EPHA8: variants seen among roughly 807,000 people sequenced by gnomAD.
EPHA8 encodes ephrin type-A receptor 8.
Under a neutral mutation model 103.6 loss-of-function variants are expected in EPHA8, and 58 were observed. The observed-to-expected ratio is 0.56, with a 90% confidence interval of 0.45 to 0.70. EPHA8 has a LOEUF of 0.70. Among genes scored for constraint, EPHA8 ranks in the 30% least tolerant of loss-of-function variants. The probability of loss-of-function intolerance (pLI) is 0.00; values close to 1 mark genes in which losing one functional copy is unlikely to be tolerated. For missense variants in EPHA8, 1,304 were observed against 1,395.2 expected (o/e 0.93, Z 1.04); for synonymous variants, 559 against 572.5 (o/e 0.98, Z 0.34).
intron 8 of EPHA8, 140 bp downstream of exon 8, chr1:22,595,463 T>G: frequency 1.6e-6 from 1 of 624,122 alleles, no homozygotes; most frequent in Non-Finnish European, 2.9e-6. Context: ...TTTAACCTAG[T>G]GACATGCCAG....
Position 22,582,590 on chromosome 1 carries a change from A to T in EPHA8, c.824-3890A>T, listed in dbSNP as rs589578. Among the ~76,000 whole-genome samples, 1,400 of 152,292 alleles carry T rather than the reference A, an allele frequency of 9.2e-3. 20 individuals are homozygous for T. The highest frequency in any genetic ancestry group is 0.032 in the African/African-American group (1,332 of 41,556). On this transcript the variant is annotated intron_variant, in intron 3 of 16. Transcript: ENST00000166244. ...GTCCAGTTTACCACTGGGGAATTGG[A>T]GGCCCAGAGAAGTGAAGTGACTAGC...
rs768600015 is a variant in EPHA8 at position 22,576,500 on chromosome 1, T to C, written c.443T>C (p.Ile148Thr). The C allele has an allele frequency of 2.5e-6, 4 of 1,614,124 alleles. No homozygotes were observed. The highest frequency in any genetic ancestry group is 3.3e-4 in the Middle Eastern group (2 of 6,062). ...QESQFLKIDT[I>T]AADESFTGAD... ...AGCCAGTTCCTCAAAATCGACACCA[T>C]TGCGGCCGACGAGAGCTTCACAGGT... The change falls in exon 3 of 17, where the codon ATT becomes ACT. Residue 148 changes from isoleucine (I) to threonine (T), a missense_variant. Physicochemically the swap from Ile to Thr is moderately conservative, Grantham distance 89. Transcript: ENST00000166244. This position sits in a 1 kb window ranked among gnomAD's most constrained non-coding sequence, Gnocchi z 4.8.
intron 1 of EPHA8, among the ~76,000 whole-genome samples, chr1:22,564,733 C>A (rs1220294781): frequency 6.6e-6 from 1 of 152,132 alleles, no homozygotes; most frequent in Non-Finnish European, 1.5e-5. Flanking sequence ...ACTCCCCACA[C>A]CCCAACCCCT....
intron 3 of EPHA8, among the ~76,000 whole-genome samples, chr1:22,582,412 T>C (rs1362774227): frequency 1.3e-5 from 2 of 152,068 alleles, no homozygotes; most frequent in Non-Finnish European, 2.9e-5. Flanking sequence ...AGAGGTACCC[T>C]CAGAAGGTGG....
chr1:22,598,290 C>T lies in EPHA8; in HGVS notation c.2178+78C>T, dbSNP rs11586741. 204,620 of 1,422,774 alleles carry T rather than the reference C, an allele frequency of 0.14. 16,748 individuals are homozygous for T. The highest frequency in any genetic ancestry group is 0.17 in the Non-Finnish European group (173,215 of 1,028,850). The allele number at this position is 1,422,774 out of a possible 1,614,324, so 88.1% of individuals were successfully genotyped here. On this transcript the variant is annotated intron_variant, in intron 12 of 16. Transcript: ENST00000166244. This position sits in a 1 kb window ranked among gnomAD's most constrained non-coding sequence, Gnocchi z 5.1. Reference sequence around the variant, plus strand: ...TGGGTGCTGGGAGATAGTGCAAAGCCCTCTAAGCCCCCTCCCTGGCTTGGA... The same window carrying T: ...TGGGTGCTGGGAGATAGTGCAAAGCTCTCTAAGCCCCCTCCCTGGCTTGGA...
chr1:22,576,202 T>C lies in EPHA8; in HGVS notation c.160-15T>C. The stretch of plus-strand genomic sequence containing the variant: ...GCTGGCTCTGCTGTAGTGGCTGTGT[T>C]CTCTCTGCCCACAGTGGGACTCCAT... On this transcript the variant is annotated splice_polypyrimidine_tract_variant and intron_variant, in intron 2 of 16. Coordinates refer to ENST00000166244, the MANE Select transcript of EPHA8 (RefSeq NM_020526.5). The surrounding 1 kb of genome is among the most constrained non-coding windows in gnomAD (Gnocchi z 4.8). The C allele has an allele frequency of 6.3e-7, 1 of 1,593,548 alleles. No individual in the cohort carries two copies. The highest frequency in any genetic ancestry group is 1.1e-5 in the South Asian group (1 of 88,078).
Position 22,597,406 on chromosome 1 carries a change from C to T in EPHA8, c.1860C>T (p.Gly620=), listed in dbSNP as rs1444516065. ...YAEPHTYEEP[G]RAGRSFTREI... is the part of the protein sequence containing the mutation. ...AACCCCACACCTACGAGGAGCCAGG[C>T]CGGGCGGGCCGCAGTTTCACTCGGG... Residue 620 remains glycine (G), a synonymous_variant, in exon 10 of 17, where the codon GGC becomes GGT. Transcript: ENST00000166244. This position sits in a 1 kb window ranked among gnomAD's most constrained non-coding sequence, Gnocchi z 4.6. 1 of 1,613,520 alleles carries T rather than the reference C, an allele frequency of 6.2e-7. No homozygotes were observed. Among genetic ancestry groups the T allele is most frequent in the East Asian group, 2.2e-5 (1 of 44,872 alleles).
chr1:22,565,834 C>T (rs951595339), intron 1 of EPHA8, among the ~76,000 whole-genome samples: 8 of 152,274 alleles, frequency 5.3e-5, no homozygotes, highest in Admixed American at 2.0e-4. Flanking sequence ...CGAGAGTCCA[C>T]GCCCTCTCCG....
Position 22,600,888 on chromosome 1 carries a change from T to A in EPHA8, c.2539-10T>A. 1 of 1,598,720 alleles carries A rather than the reference T, an allele frequency of 6.3e-7. No homozygotes were observed. Among genetic ancestry groups the A allele is most frequent in the Middle Eastern group, 1.7e-4 (1 of 5,992 alleles). On this transcript the variant is annotated splice_polypyrimidine_tract_variant and intron_variant, in intron 14 of 16. Coordinates refer to ENST00000166244, the MANE Select transcript of EPHA8 (RefSeq NM_020526.5). The stretch of plus-strand genomic sequence containing the variant: ...GAGGGACGGCTGAGCCCAGCGCTGA[T>A]CCCCTGCAGGTCATCAGCTCTGTGG...
chr1:22,593,247 A>T, intron 5 of EPHA8, 79 bp from the exon 6 acceptor site: 1 of 1,508,720 alleles, frequency 6.6e-7, no homozygotes, highest in Non-Finnish European at 8.9e-7. Flanking sequence ...CAGGATCCCC[A>T]GGTGGAACCT....
rs1641577690 is a variant in EPHA8 at position 22,598,202 on chromosome 1, C to T, written c.2168C>T (p.Thr723Ile). ...TACATGGAGAACGGCTCTCTGGACACCTTCCTGAGGGTGCGTGTCCCACCC... is the reference window on the plus strand; with the variant it reads ...TACATGGAGAACGGCTCTCTGGACATCTTCCTGAGGGTGCGTGTCCCACCC... Reference protein sequence around the residue: ...TEYMENGSLDTFLRTHDGQFT... With the variant: ...TEYMENGSLDIFLRTHDGQFT... The change falls in exon 12 of 17, where the codon ACC (threonine) becomes ATC (isoleucine). Residue 723 changes from threonine (T) to isoleucine (I), a missense_variant. Thr to Ile is a moderately conservative substitution (Grantham distance 89, BLOSUM62 -1). Coordinates refer to ENST00000166244, the MANE Select transcript of EPHA8 (RefSeq NM_020526.5). This position sits in a 1 kb window ranked among gnomAD's most constrained non-coding sequence, Gnocchi z 5.1. 2 of 1,613,142 alleles carry T rather than the reference C, an allele frequency of 1.2e-6. No individual in the cohort carries two copies. The highest frequency in any genetic ancestry group is 1.7e-6 in the Non-Finnish European group (2 of 1,179,864).
intron 3 of EPHA8, among the ~76,000 whole-genome samples, chr1:22,578,494 GT>G (rs1248126724): frequency 2.7e-5 from 4 of 146,504 alleles, no homozygotes; most frequent in Non-Finnish European, 6.0e-5. Context: ...GTGTGCATGT[GT>G]GCATGAGTGC....
At chr1:22,599,655 G>C (rs1641627320) in intron 13 of EPHA8, among the ~76,000 whole-genome samples, 4 of 53,812 alleles carry the variant, frequency 7.4e-5, no homozygotes, top group African/African-American at 5.0e-4. Context: ...GGGAAGGAAG[G>C]AAAGGAGGGA....
intron 3 of EPHA8, among the ~76,000 whole-genome samples, chr1:22,579,031 G>A (rs536195221): frequency 8.0e-6 from 1 of 124,978 alleles, no homozygotes; most frequent in Non-Finnish European, 1.8e-5. Flanking sequence ...GCAAGAGTAT[G>A]TATGCATGTG....
chr1:22,574,507 A>G (rs904370517), intron 2 of EPHA8, among the ~76,000 whole-genome samples: 2 of 152,174 alleles, frequency 1.3e-5, no homozygotes, highest in East Asian at 1.9e-4. Flanking sequence ...CCAGCATTCT[A>G]CTTTCTGTCT....
rs760276645 is a variant in EPHA8, at chr1:22,595,292, G to T, written c.1666G>T (p.Val556Leu). The T allele has an allele frequency of 6.2e-7, 1 of 1,613,836 alleles. No individual in the cohort carries two copies. Among genetic ancestry groups the T allele is most frequent in the Non-Finnish European group, 8.5e-7 (1 of 1,179,890 alleles). The change falls in exon 8 of 17, where the codon GTG (valine) becomes TTG (leucine). Residue 556 changes from valine (V) to leucine (L), a missense_variant. By Grantham distance (32) the Val-to-Leu change is conservative. Transcript: ENST00000166244. Reference sequence around the variant, plus strand: ...CCTGACGCTCATCACGGGCCTGGTGGTGCTTCTGCTCCTGCTCATCTGCAA... The same window carrying T: ...CCTGACGCTCATCACGGGCCTGGTGTTGCTTCTGCTCCTGCTCATCTGCAA... ...ICLTLITGLVVLLLLLICKKR... is the reference protein window; with the variant it reads ...ICLTLITGLVLLLLLLICKKR...
chr1:22,597,292 G>A lies in EPHA8; in HGVS notation c.1766-20G>A, dbSNP rs11582356. ...CAATCTCTCCTGGGCCCCACTGAAG[G>A]CCCTCCTCCCGCCCCTCAGCACCCC... On this transcript the variant is annotated intron_variant, in intron 9 of 16. Coordinates refer to ENST00000166244, the MANE Select transcript of EPHA8 (RefSeq NM_020526.5). This position sits in a 1 kb window ranked among gnomAD's most constrained non-coding sequence, Gnocchi z 4.6. 49,341 of 1,576,110 alleles carry A rather than the reference G, an allele frequency of 0.031. 964 individuals carry two copies. The highest frequency in any genetic ancestry group is 0.044 in the South Asian group (3,934 of 88,978).
intron 3 of EPHA8, among the ~76,000 whole-genome samples, chr1:22,580,183 A>G (rs1344278370): frequency 1.7e-5 from 2 of 120,520 alleles, no homozygotes; most frequent in Admixed American, 2.2e-4. Flanking sequence ...TTTGTTGCCC[A>G]GGCTGGAGTG....
At chr1:22,579,226 CATGT>C (rs1299601929) in intron 3 of EPHA8, among the ~76,000 whole-genome samples, 1 of 147,352 alleles carries the variant, frequency 6.8e-6, no homozygotes, top group Non-Finnish European at 1.5e-5. Flanking sequence ...TGTATGTATG[CATGT>C]GTGTGCATGT....
Sources: gnomAD v4.1 joint callset for allele counts (sites outside exome capture counted in the v4.1 genomes callset) on GRCh38, gnomAD v4.1.1 for gene constraint, Gnocchi (gnomAD v3.1) non-coding constraint, MANE v1.5 for transcripts, NCBI Gene and HGNC (gene_info 2026-07-23, HGNC 2026-07-21) for gene names.